PRELID2: variants seen among roughly 807,000 people sequenced by gnomAD.
PRELID2 encodes PRELI domain containing 2, also known as PRELI domain-containing protein 2.
Under a neutral mutation model 28.4 loss-of-function variants are expected in PRELID2, and 25 were observed. The ratio of observed to expected loss-of-function variants is 0.88; its 90% CI spans 0.64 to 1.23. PRELID2 has a LOEUF of 1.23. Among genes scored for constraint, PRELID2 ranks in the 50% most tolerant of loss-of-function variants. PRELID2 has a pLI of 0.00. For missense variants in PRELID2, 201 were observed against 214.4 expected, an observed-to-expected ratio of 0.94 and a Z score of 0.39; for synonymous variants, 76 against 71.6, an observed-to-expected ratio of 1.06 and a Z score of -0.31.
chr5:145,809,853 G>T (rs991616791), intron 4 of PRELID2, among the ~76,000 whole-genome samples: 6 of 152,198 alleles, frequency 3.9e-5, no homozygotes, highest in Admixed American at 2.0e-4. Context: ...TTTACTAGGT[G>T]ATTATCTTCC....
chr5:145,741,009 T>G (rs1469889127), intron 1 of PRELID2, among the ~76,000 whole-genome samples: 1 of 116,648 alleles, frequency 8.6e-6, no homozygotes, highest in Non-Finnish European at 1.6e-5. Flanking sequence ...ATTATATATT[T>G]GTATACAAAT....
the PRELID2 span, among the ~76,000 whole-genome samples, chr5:145,412,376 C>T: frequency 6.6e-6 from 1 of 152,148 alleles, no homozygotes; most frequent in Admixed American, 6.5e-5. Flanking sequence ...ACGGCAGGGG[C>T]AAAATGCCAC....
At chr5:145,494,744 G>C (rs768931785) in intron 1 of PRELID2, among the ~76,000 whole-genome samples, 19 of 152,118 alleles carry the variant, frequency 1.2e-4, no homozygotes, top group Admixed American at 6.6e-5. Context: ...GATCTTACTT[G>C]AGACAATTCA....
intron 1 of PRELID2, among the ~76,000 whole-genome samples, chr5:145,833,033 T>C (rs1755708140): frequency 3.3e-5 from 5 of 152,116 alleles, no homozygotes. Context: ...CTACACACCA[T>C]CAGTTCCATG....
At chr5:145,328,562 T>C in the PRELID2 span, among the ~76,000 whole-genome samples, 1 of 152,224 alleles carries the variant, frequency 6.6e-6, no homozygotes. Flanking sequence ...TTCATGTTTA[T>C]TGTCCACATA....
chr5:145,576,658 A>G lies in PRELID2; in HGVS notation n.71-103343T>C, dbSNP rs1396538735. ...AAAATAAGGTGAGAGATCACACTAC[A>G]TGGTTATAGCACAATAGTAAAAAAA... On this transcript the variant is annotated intron_variant and non_coding_transcript_variant, in intron 1 of 2. Coordinates refer to the PRELID2 transcript ENST00000510259. Among the ~76,000 whole-genome samples the G allele has an allele frequency of 4.2e-5, 6 of 143,606 alleles. No individual in the cohort carries two copies. The East Asian group carries it at 8.1e-4, about 19-fold the overall frequency. The allele number at this position is 143,606 out of a possible 152,430, so 94.2% of individuals were successfully genotyped here. A position where few individuals can be genotyped will look rare whatever the true frequency, so the allele number is the denominator to read the frequency against.
chr5:145,423,056 T>C, the PRELID2 span, among the ~76,000 whole-genome samples: 6 of 149,722 alleles, frequency 4.0e-5, no homozygotes, highest in Admixed American at 6.7e-5. Flanking sequence ...GAATGTTGAA[T>C]ATTGGCCCCC....
chr5:145,615,573 G>A (rs111783681), intron 1 of PRELID2, among the ~76,000 whole-genome samples: 5,143 of 119,082 alleles, frequency 0.043, 315 homozygotes, highest in African/African-American at 0.17. Flanking sequence ...TGATCTGCCC[G>A]CCTCGGCCTC....
intron 1 of PRELID2, among the ~76,000 whole-genome samples, chr5:145,568,687 T>C (rs77044101): frequency 2.2e-4 from 33 of 152,380 alleles, no homozygotes; most frequent in Non-Finnish European, 4.4e-4. Context: ...TTCTTCTCCC[T>C]GGCCTGCCTC....
At chr5:145,401,669 G>A in the PRELID2 span, among the ~76,000 whole-genome samples, 4 of 152,112 alleles carry the variant, frequency 2.6e-5, no homozygotes, top group African/African-American at 4.8e-5. Context: ...CACCATTACA[G>A]ATGAGACACT....
At chr5:145,594,326 A>T (rs1381433532) in intron 1 of PRELID2, among the ~76,000 whole-genome samples, 2 of 152,162 alleles carry the variant, frequency 1.3e-5, no homozygotes. Flanking sequence ...AAAAAGTATC[A>T]GTTTGTTTGG....
chr5:145,787,560 T>TG (rs397723774), intron 5 of PRELID2, among the ~76,000 whole-genome samples: 66 of 151,604 alleles, frequency 4.4e-4, no homozygotes, highest in African/African-American at 1.6e-3. Flanking sequence ...TTTTTTTTTT[T>TG]GACATAGGGT....
intron 1 of PRELID2, among the ~76,000 whole-genome samples, chr5:145,736,269 C>G (rs537077987): frequency 6.6e-6 from 1 of 152,198 alleles, no homozygotes; most frequent in South Asian, 2.1e-4. Context: ...AGCCTTTGGT[C>G]TTTGTGCTCT....
intron 4 of PRELID2, among the ~76,000 whole-genome samples, chr5:145,817,535 G>A (rs1436835549): frequency 6.8e-6 from 1 of 147,860 alleles, no homozygotes; most frequent in African/African-American, 2.5e-5. Flanking sequence ...TACAATACAT[G>A]TTTTAAAATA....
At chr5:145,254,971 G>A in the PRELID2 span, among the ~76,000 whole-genome samples, 1 of 150,952 alleles carries the variant, frequency 6.6e-6, no homozygotes, top group Admixed American at 6.6e-5. Flanking sequence ...CTAAAAAGCT[G>A]AATTTAACTA....
intron 2 of PRELID2, chr5:145,473,111 T>G (rs544446202): frequency 6.6e-6 from 1 of 152,310 alleles, no homozygotes; most frequent in South Asian, 2.1e-4. Flanking sequence ...GACTTGGTAT[T>G]CATGGGAGGT....
the PRELID2 span, among the ~76,000 whole-genome samples, chr5:145,363,734 C>A: frequency 6.6e-6 from 1 of 151,994 alleles, no homozygotes; most frequent in Non-Finnish European, 1.5e-5. Context: ...TTATTTCATT[C>A]AAACAATGTT....
the PRELID2 span, among the ~76,000 whole-genome samples, chr5:145,343,888 T>C: frequency 1.3e-5 from 2 of 151,820 alleles, no homozygotes; most frequent in Admixed American, 6.6e-5. Context: ...TAAACAGATA[T>C]ATACCAACAG....
chr5:145,684,737 C>G (rs1395748657), intron 1 of PRELID2, among the ~76,000 whole-genome samples: 2 of 152,148 alleles, frequency 1.3e-5, no homozygotes, highest in African/African-American at 4.8e-5. Context: ...GCTGTATATT[C>G]AGGAAGGAAA....
Sources: allele counts gnomAD v4.1 joint callset (sites outside exome capture counted in the v4.1 genomes callset), GRCh38; gene constraint gnomAD v4.1.1; transcripts MANE v1.5; gene names NCBI Gene and HGNC (gene_info 2026-07-23, HGNC 2026-07-21).